EEA1: variants seen among roughly 807,000 people sequenced by gnomAD.
EEA1 encodes the protein early endosome antigen 1, 162kD.
EEA1 carries 111 observed loss-of-function variants against 209.2 expected under a neutral mutation model. The ratio of observed to expected loss-of-function variants is 0.53; its 90% CI spans 0.45 to 0.62. The LOEUF is 0.62. EEA1 is among the 20% of genes least tolerant of loss of function. The probability of loss-of-function intolerance (pLI) is 0.00; values close to 1 mark genes in which losing one functional copy is unlikely to be tolerated. For synonymous variants in EEA1, 536 were observed against 540.6 expected (o/e 0.99, Z 0.12); for missense variants, 1,343 against 1,530.8 (o/e 0.88, Z 2.05).
In EEA1 at chr12:92,923,216, T is replaced by A. The variant is rs183349824; in HGVS notation, c.24+5827A>T. ...CAAAAAAATTAGCCAGGCACGGTGGTGGGCGCCTGTAGTCCCAGCTACTCG... is the reference window on the plus strand; with the variant it reads ...CAAAAAAATTAGCCAGGCACGGTGGAGGGCGCCTGTAGTCCCAGCTACTCG... On this transcript the variant is annotated intron_variant, in intron 1 of 28. Transcript: ENST00000322349. 4.0e-5 allele frequency among the ~76,000 whole-genome samples: 6 copies of A among 150,344 alleles called. No homozygotes were observed. The East Asian group carries it at 1.2e-3, about 30-fold the overall frequency.
At chr12:92,903,160 A>G (rs575567114) in intron 1 of EEA1, among the ~76,000 whole-genome samples, 1 of 151,738 alleles carries the variant, frequency 6.6e-6, no homozygotes, top group East Asian at 2.0e-4. Flanking sequence ...GATGGTCTCA[A>G]TCTCCTGACC....
At chr12:92,800,639 T>C (rs753202496) in intron 20 of EEA1, among the ~76,000 whole-genome samples, 8 of 152,244 alleles carry the variant, frequency 5.3e-5, no homozygotes, top group Non-Finnish European at 1.0e-4. Context: ...AGCATGAGCA[T>C]TTACTTTATT....
chr12:92,899,046 G>A (rs1402881213), intron 1 of EEA1, among the ~76,000 whole-genome samples: 1 of 150,528 alleles, frequency 6.6e-6, no homozygotes, highest in Non-Finnish European at 1.5e-5. Flanking sequence ...CCACACCAAG[G>A]CTTATCCAAA....
At chr12:92,872,043 G>A (rs11831117) in intron 2 of EEA1, among the ~76,000 whole-genome samples, 38,488 of 139,884 alleles carry the variant, frequency 0.28, 5,508 homozygotes, top group Non-Finnish European at 0.33. Context: ...ACCAGGCCCA[G>A]CTAATTTTTT....
At chr12:92,783,795 T>C (rs1346373670) in intron 22 of EEA1, among the ~76,000 whole-genome samples, 1 of 152,058 alleles carries the variant, frequency 6.6e-6, no homozygotes, top group Non-Finnish European at 1.5e-5. Flanking sequence ...ATCTCTTCCA[T>C]CAGATCTGGA....
intron 23 of EEA1, among the ~76,000 whole-genome samples, chr12:92,780,757 TA>T (rs1873871053): frequency 6.6e-6 from 1 of 152,180 alleles, no homozygotes; most frequent in Admixed American, 6.5e-5. Context: ...TTATCTCAGT[TA>T]ATCTCTAGTA....
chr12:92,880,433 T>C lies in EEA1; in HGVS notation c.117+11196A>G, dbSNP rs1280046895. Reference sequence around the variant, plus strand: ...GATTCTCCTGCCTCAACCTTTCAAGTAGCTGGGATTACACGCACACGCCAC... The same window carrying C: ...GATTCTCCTGCCTCAACCTTTCAAGCAGCTGGGATTACACGCACACGCCAC... On this transcript the variant is annotated intron_variant, in intron 2 of 28. Coordinates refer to ENST00000322349, the MANE Select transcript of EEA1 (RefSeq NM_003566.4). 3.3e-5 allele frequency among the ~76,000 whole-genome samples: 5 copies of C among 152,158 alleles called. No individual in the cohort carries two copies. In the East Asian group the frequency reaches 9.6e-4, roughly 29 times the overall value.
Position 92,779,315 on chromosome 12 carries a change from G to A in EEA1, c.3469-15C>T. On this transcript the variant is annotated splice_polypyrimidine_tract_variant and intron_variant, in intron 24 of 28. Transcript: ENST00000322349. ...TTTGTTATCTCCTGTTGAAAAAGTA[G>A]GGCCAAAAATAAATCATCCTTCATA... The A allele has an allele frequency of 6.4e-7, 1 of 1,564,936 alleles. No homozygotes were observed. The highest frequency in any genetic ancestry group is 8.6e-7 in the Non-Finnish European group (1 of 1,165,152).
At chr12:92,810,382 G>C (rs1482504495) in intron 17 of EEA1, among the ~76,000 whole-genome samples, 1 of 152,020 alleles carries the variant, frequency 6.6e-6, no homozygotes, top group African/African-American at 2.4e-5. Flanking sequence ...ATTCTCATTA[G>C]ACACTTTTCA....
chr12:92,892,551 T>A (rs1176540754), intron 1 of EEA1, among the ~76,000 whole-genome samples: 3 of 53,896 alleles, frequency 5.6e-5, no homozygotes, highest in African/African-American at 1.9e-4. Flanking sequence ...CAATGCTTTC[T>A]CTTTTCTTTT....
chr12:92,794,061 T>G lies in EEA1; in HGVS notation c.2967+4831A>C, dbSNP rs902359579. 3.3e-5 allele frequency among the ~76,000 whole-genome samples: 5 copies of G among 151,912 alleles called. No homozygotes were observed. The East Asian group carries it at 9.6e-4, about 29-fold the overall frequency. On this transcript the variant is annotated intron_variant, in intron 21 of 28. Transcript: ENST00000322349. ...AAAAACAAACAACCCCATCAAAAAG[T>G]GGGCAAAGGATACGAACAGACACTT...
chr12:92,858,731 G>A, intron 3 of EEA1: 1 of 744,620 alleles, frequency 1.3e-6, no homozygotes, highest in South Asian at 1.3e-5. Flanking sequence ...GTTCGTCTTG[G>A]TGAGATGAGG....
chr12:92,899,296 A>AT (rs1880057907), intron 1 of EEA1, among the ~76,000 whole-genome samples: 1 of 152,194 alleles, frequency 6.6e-6, no homozygotes, highest in African/African-American at 2.4e-5. Context: ...ATAAACATGA[A>AT]TTTTAGATAC....
intron 14 of EEA1, among the ~76,000 whole-genome samples, chr12:92,817,141 T>G (rs1484948329): frequency 6.6e-6 from 1 of 151,234 alleles, no homozygotes; most frequent in Non-Finnish European, 1.5e-5. Context: ...TTAATTGTAC[T>G]TATGCTAGCT....
chr12:92,905,585 G>A (rs951450306), intron 1 of EEA1: 1 of 151,890 alleles, frequency 6.6e-6, no homozygotes, highest in Non-Finnish European at 1.5e-5. Flanking sequence ...CAGCTTAGGT[G>A]ACAGAGAGAC....
intron 3 of EEA1, among the ~76,000 whole-genome samples, chr12:92,861,134 G>T (rs1372091082): frequency 1.3e-5 from 2 of 152,126 alleles, no homozygotes; most frequent in Non-Finnish European, 2.9e-5. Context: ...GCAGGAGAGA[G>T]ATTTCATGAG....
chr12:92,878,851 A>G (rs1461520196), intron 2 of EEA1, among the ~76,000 whole-genome samples: 1 of 152,240 alleles, frequency 6.6e-6, no homozygotes, highest in Admixed American at 6.5e-5. Flanking sequence ...AATTCAACAC[A>G]TTAGATGAAA....
intron 2 of EEA1, among the ~76,000 whole-genome samples, chr12:92,865,789 A>G (rs1291664818): frequency 6.6e-6 from 1 of 151,212 alleles, no homozygotes; most frequent in Non-Finnish European, 1.5e-5. Flanking sequence ...TCCGTCACCC[A>G]GGCTGAAGTG....
rs200818837 is a variant in EEA1, at chr12:92,812,976, C to G, written c.2043+4G>C. ...ATAGTATGAAATTGCATCTGTTTCCCTACCTGCTGTTTATCTTGTAATGCA... is the reference window on the plus strand; with the variant it reads ...ATAGTATGAAATTGCATCTGTTTCCGTACCTGCTGTTTATCTTGTAATGCA... On this transcript the variant is annotated splice_donor_region_variant and intron_variant, in intron 16 of 28. Transcript: ENST00000322349. 33 of 1,558,566 alleles carry G rather than the reference C, an allele frequency of 2.1e-5. No homozygotes were observed. The highest frequency in any genetic ancestry group is 1.7e-4 in the South Asian group (14 of 83,478).
Sources: allele counts gnomAD v4.1 joint callset (sites outside exome capture counted in the v4.1 genomes callset), GRCh38; gene constraint gnomAD v4.1.1; transcripts MANE v1.5; gene names NCBI Gene and HGNC (gene_info 2026-07-23, HGNC 2026-07-21).